MAD1L1: variants seen among roughly 807,000 people sequenced by gnomAD.
MAD1L1 encodes the protein mitotic spindle assembly checkpoint protein MAD1.
MAD1L1 carries 95 observed loss-of-function variants against 96.9 expected under a neutral mutation model. That is an observed-to-expected ratio of 0.98 (90% CI 0.83 to 1.16). The LOEUF (loss-of-function observed/expected upper bound fraction) is 1.16, where lower values mean the gene tolerates loss of function less well. MAD1L1 is among the 50% of genes most tolerant of loss of function. The pLI, the probability that MAD1L1 is intolerant of heterozygous loss-of-function variation, is 0.00. For missense variants in MAD1L1, 1,007 were observed against 954.4 expected, an observed-to-expected ratio of 1.06 and a Z score of -0.73; for synonymous variants, 473 against 396.6, an observed-to-expected ratio of 1.19 and a Z score of -2.29.
chr7:1,847,975 GC>G (rs917933208), intron 18 of MAD1L1: 34 of 350,612 alleles, frequency 9.7e-5, no homozygotes, highest in African/African-American at 6.9e-4. Flanking sequence ...GCCAGTCTCA[GC>G]CCCTGACCAC....
At chr7:2,155,908 C>T (rs1789810291) in intron 10 of MAD1L1, among the ~76,000 whole-genome samples, 1 of 152,136 alleles carries the variant, frequency 6.6e-6, no homozygotes, top group African/African-American at 2.4e-5. Context: ...AACTTACTTT[C>T]TCCATCTCAT....
At chr7:1,939,338 C>G (rs191568816) in intron 16 of MAD1L1, among the ~76,000 whole-genome samples, 81 of 151,642 alleles carry the variant, frequency 5.3e-4, no homozygotes, top group Non-Finnish European at 9.6e-4. Flanking sequence ...CACACACACA[C>G]AGGCCAGGGC....
At chr7:2,173,356 GGCTGAGCCCCGCGTCTA>G (rs1413853681) in intron 10 of MAD1L1, among the ~76,000 whole-genome samples, 5 of 152,110 alleles carry the variant, frequency 3.3e-5, no homozygotes, top group East Asian at 1.9e-4. Flanking sequence ...CCCCGCGTCT[GGCTGAGCCCCGCGTCTA>G]GCTGAGCACA....
At chr7:2,162,584 TAAATACTAAAAAAAAAAACAAACAAA>T (rs1790207817) in intron 10 of MAD1L1, among the ~76,000 whole-genome samples, 1 of 131,870 alleles carries the variant, frequency 7.6e-6, no homozygotes, top group Non-Finnish European at 1.6e-5. Context: ...GAATGATCAA[TAAATACTAAAAAAAAAAACAAACAAA>T]AAACCAACTT....
intron 11 of MAD1L1, among the ~76,000 whole-genome samples, chr7:2,070,892 G>A (rs17132132): frequency 6.6e-6 from 1 of 152,196 alleles, no homozygotes; most frequent in South Asian, 2.1e-4. Context: ...TTTCATCCCT[G>A]GACTGACAGA....
intron 12 of MAD1L1, among the ~76,000 whole-genome samples, chr7:2,025,610 C>A (rs1163440334): frequency 6.6e-6 from 1 of 152,112 alleles, no homozygotes; most frequent in East Asian, 1.9e-4. Flanking sequence ...CAGGTTGCAA[C>A]ACAGGGGAAT....
chr7:2,213,138 C>G, intron 10 of MAD1L1, 74 bp downstream of exon 10: 1 of 1,513,656 alleles, frequency 6.6e-7, no homozygotes, highest in Non-Finnish European at 9.2e-7. Flanking sequence ...GCTGGTGAGC[C>G]GGAAGCAGGC....
intron 11 of MAD1L1, among the ~76,000 whole-genome samples, chr7:2,074,116 C>T (rs1785266764): frequency 6.6e-6 from 1 of 152,172 alleles, no homozygotes; most frequent in African/African-American, 2.4e-5. Context: ...CTGTTCAGCA[C>T]ACGGGATGTG....
At chr7:1,875,435 C>T (rs1463412615) in intron 18 of MAD1L1, among the ~76,000 whole-genome samples, 1 of 152,186 alleles carries the variant, frequency 6.6e-6, no homozygotes, top group African/African-American at 2.4e-5. Flanking sequence ...GAGGGAAGTC[C>T]GTGTTGACTT....
At chr7:2,161,973 G>T (rs1346245269) in intron 10 of MAD1L1, among the ~76,000 whole-genome samples, 1 of 147,978 alleles carries the variant, frequency 6.8e-6, no homozygotes, top group South Asian at 2.1e-4. Flanking sequence ...TCCGGGAGGT[G>T]GGGGGCGGCC....
In MAD1L1 at chr7:1,968,480, G is replaced by A. The variant is rs1047754811; in HGVS notation, c.1506-10761C>T. Among the ~76,000 whole-genome samples, 7 of 151,242 alleles carry A rather than the reference G, an allele frequency of 4.6e-5. No homozygotes were observed. Among genetic ancestry groups the A allele is most frequent in the East Asian group, 1.9e-4 (1 of 5,164 alleles). ...TCCACCATCAATGCCTCAGTCCAGC[G>A]GTCAGGTCCACTGTCCATGCCTCAG... On this transcript the variant is annotated intron_variant, in intron 15 of 18. Coordinates refer to ENST00000265854, the MANE Select transcript of MAD1L1 (RefSeq NM_001013836.2). This position sits in a 1 kb window ranked among gnomAD's most constrained non-coding sequence, Gnocchi z 5.6.
chr7:2,222,865 G>T, intron 4 of MAD1L1, 111 bp from the exon 5 acceptor site: 1 of 923,786 alleles, frequency 1.1e-6, no homozygotes, highest in Non-Finnish European at 1.6e-6. Flanking sequence ...AAAGAGCCGA[G>T]CAGGACCCAT....
intron 18 of MAD1L1, among the ~76,000 whole-genome samples, chr7:1,891,706 G>A (rs1179965743): frequency 6.6e-6 from 1 of 152,056 alleles, no homozygotes; most frequent in Non-Finnish European, 1.5e-5. Flanking sequence ...TCAGCCTCTG[G>A]AGTAGCTGGG....
rs137934655 is a variant in MAD1L1 at position 1,893,381 on chromosome 7, G to A, written c.1998+4819C>T. Reference sequence around the variant, plus strand: ...CTGTGGAACCCGCTTGACTGGAAACGGCTTCGGCTATTTCTAACTCTGTCT... The same window carrying A: ...CTGTGGAACCCGCTTGACTGGAAACAGCTTCGGCTATTTCTAACTCTGTCT... On this transcript the variant is annotated intron_variant, in intron 18 of 18. Coordinates refer to ENST00000265854, the MANE Select transcript of MAD1L1 (RefSeq NM_001013836.2). Among the ~76,000 whole-genome samples the A allele has an allele frequency of 6.2e-3, 941 of 152,288 alleles. 12 individuals carry two copies. The highest frequency in any genetic ancestry group is 0.021 in the African/African-American group (891 of 41,548).
At chr7:1,910,913 T>C (rs536844435) in intron 17 of MAD1L1, among the ~76,000 whole-genome samples, 1 of 152,212 alleles carries the variant, frequency 6.6e-6, no homozygotes, top group Non-Finnish European at 1.5e-5. Flanking sequence ...AGCATGGCGA[T>C]GTGGGGCCAC....
At chr7:2,067,705 G>A (rs1400994901) in intron 12 of MAD1L1, among the ~76,000 whole-genome samples, 2 of 152,278 alleles carry the variant, frequency 1.3e-5, no homozygotes, top group Non-Finnish European at 2.9e-5. Context: ...CGAGGTGACT[G>A]CAGCAGCGCT....
chr7:1,907,588 A>C (rs1787746370), intron 17 of MAD1L1, among the ~76,000 whole-genome samples: 1 of 152,210 alleles, frequency 6.6e-6, no homozygotes, highest in Admixed American at 6.5e-5. Flanking sequence ...GAAGGGAGTG[A>C]TTCCAGGCTC....
chr7:2,017,508 A>G (rs1368945989), intron 12 of MAD1L1, among the ~76,000 whole-genome samples: 1 of 152,206 alleles, frequency 6.6e-6, no homozygotes, highest in African/African-American at 2.4e-5. Flanking sequence ...GGCCGGGGGC[A>G]GCAGTAGAGG....
At chr7:2,074,305 G>A (rs1785277698) in intron 11 of MAD1L1, among the ~76,000 whole-genome samples, 1 of 152,094 alleles carries the variant, frequency 6.6e-6, no homozygotes, top group Non-Finnish European at 1.5e-5. Flanking sequence ...ACCGAGAGCA[G>A]AAGGAAGACC....
Sources: allele counts gnomAD v4.1 joint callset (sites outside exome capture counted in the v4.1 genomes callset), GRCh38; gene constraint gnomAD v4.1.1; non-coding constraint Gnocchi (gnomAD v3.1); transcripts MANE v1.5; gene names NCBI Gene and HGNC (gene_info 2026-07-23, HGNC 2026-07-21).